ATXN7L1: variants seen among roughly 807,000 people sequenced by gnomAD.
ATXN7L1 encodes the protein ataxin-7-like protein 1.
ATXN7L1 carries 15 observed loss-of-function variants against 70.8 expected under a neutral mutation model. That is an observed-to-expected ratio of 0.21 (90% CI 0.14 to 0.33). ATXN7L1 has a LOEUF of 0.33. ATXN7L1 is among the 10% of genes least tolerant of loss of function. ATXN7L1 has a pLI of 1.00. For synonymous variants in ATXN7L1, 440 were observed against 445.1 expected (o/e 0.99, Z 0.14); for missense variants, 975 against 1,097.1 (o/e 0.89, Z 1.57).
chr7:105,724,573 C>CAAAAAA (rs573733959), intron 3 of ATXN7L1, among the ~76,000 whole-genome samples: 13 of 80,458 alleles, frequency 1.6e-4, no homozygotes, highest in African/African-American at 4.9e-4. Flanking sequence ...GACTCTGTCT[C>CAAAAAA]AAAAAAAAAA....
chr7:105,737,954 C>T (rs1465846526), intron 3 of ATXN7L1, among the ~76,000 whole-genome samples: 1 of 151,992 alleles, frequency 6.6e-6, no homozygotes, highest in Non-Finnish European at 1.5e-5. Context: ...GTGACCTGGC[C>T]CAAGGTTACT....
intron 3 of ATXN7L1, among the ~76,000 whole-genome samples, chr7:105,691,066 C>A (rs1790741540): frequency 6.6e-6 from 1 of 152,194 alleles, no homozygotes; most frequent in East Asian, 1.9e-4. Flanking sequence ...AGTAACTTCC[C>A]TGTGTCTGTT....
At chr7:105,817,144 T>C (rs1317840325) in intron 2 of ATXN7L1, among the ~76,000 whole-genome samples, 1 of 152,204 alleles carries the variant, frequency 6.6e-6, no homozygotes, top group East Asian at 1.9e-4. Flanking sequence ...CTCTGATGTG[T>C]TTAGAGTCCC....
chr7:105,730,499 G>A lies in ATXN7L1; in HGVS notation c.355+58105C>T, dbSNP rs579154. 6.6e-3 allele frequency among the ~76,000 whole-genome samples: 999 copies of A among 152,292 alleles called. 23 individuals are homozygous for A. The highest frequency in any genetic ancestry group is 0.023 in the African/African-American group (942 of 41,568). ...TGTAATCCCAGCACTTTGGGAGGCCGAGGCAAGTGGATCACATGGTCAGGA... is the reference window on the plus strand; with the variant it reads ...TGTAATCCCAGCACTTTGGGAGGCCAAGGCAAGTGGATCACATGGTCAGGA... On this transcript the variant is annotated intron_variant, in intron 3 of 11. Transcript: ENST00000419735.
chr7:105,765,880 C>G (rs1801181751), intron 3 of ATXN7L1, among the ~76,000 whole-genome samples: 1 of 152,106 alleles, frequency 6.6e-6, no homozygotes, highest in Admixed American at 6.5e-5. Flanking sequence ...TATGGACTCA[C>G]TGTAATACTA....
intron 3 of ATXN7L1, among the ~76,000 whole-genome samples, chr7:105,700,091 A>G (rs1379476498): frequency 6.6e-6 from 1 of 152,164 alleles, no homozygotes; most frequent in Admixed American, 6.5e-5. Context: ...GCTTCACTCA[A>G]TGGCAGAGCT....
intron 3 of ATXN7L1, among the ~76,000 whole-genome samples, chr7:105,714,945 G>A (rs1228656162): frequency 1.3e-5 from 2 of 152,068 alleles, no homozygotes; most frequent in African/African-American, 4.8e-5. Flanking sequence ...CTTGCTGTGG[G>A]GCACCAGTAA....
chr7:105,638,284 T>C, intron 7 of ATXN7L1, 69 bp downstream of exon 7: 1 of 1,476,924 alleles, frequency 6.8e-7, no homozygotes, highest in Non-Finnish European at 9.1e-7. Context: ...TCAGACCACA[T>C]GCCACAGACC....
rs1797711301 is a variant in ATXN7L1, at chr7:105,738,968, A to C, written c.355+49636T>G. 2.6e-5 allele frequency among the ~76,000 whole-genome samples: 4 copies of C among 152,194 alleles called. No individual in the cohort carries two copies. The South Asian group carries it at 8.3e-4, about 31-fold the overall frequency. ...GAGGTGGGGAGGGCAAGGGGGAAAAATTTGCAACCAAGGTCCATCCCTTCT... is the reference window on the plus strand; with the variant it reads ...GAGGTGGGGAGGGCAAGGGGGAAAACTTTGCAACCAAGGTCCATCCCTTCT... On this transcript the variant is annotated intron_variant, in intron 3 of 11. Transcript: ENST00000419735.
At chr7:105,684,059 G>A (rs755245582) in intron 3 of ATXN7L1, among the ~76,000 whole-genome samples, 2 of 152,156 alleles carry the variant, frequency 1.3e-5, no homozygotes, top group Admixed American at 6.6e-5. Flanking sequence ...CATCTGGGGC[G>A]GTGCATCAGG....
rs966497726 is a variant in ATXN7L1 at position 105,819,927 on chromosome 7, C to T, written c.251-31219G>A. 111 of 505,746 alleles carry T rather than the reference C, an allele frequency of 2.2e-4. 1 individual carries two copies. The highest frequency in any genetic ancestry group is 1.7e-3 in the South Asian group (110 of 66,522). The allele number at this position is 505,746 out of a possible 1,614,324, so 31.3% of individuals were successfully genotyped here. On this transcript the variant is annotated intron_variant, in intron 2 of 11. Transcript: ENST00000419735. ...TGGGGCGCCTGGCTCACGAGGTTTG[C>T]TGTAAGTACCTGGCAGTGGCATCTA...
chr7:105,873,745 C>T (rs542591373), intron 2 of ATXN7L1, among the ~76,000 whole-genome samples: 3 of 152,264 alleles, frequency 2.0e-5, no homozygotes, highest in African/African-American at 4.8e-5. Context: ...GCTAAATCTT[C>T]GTACCTTTAT....
chr7:105,813,164 A>G (rs1302435676), intron 2 of ATXN7L1, among the ~76,000 whole-genome samples: 1 of 152,230 alleles, frequency 6.6e-6, no homozygotes, highest in Non-Finnish European at 1.5e-5. Flanking sequence ...ATTTCATGAC[A>G]GACTTTTGCC....
chr7:105,609,605 C>T (rs1276404178), intron 11 of ATXN7L1, among the ~76,000 whole-genome samples: 1 of 152,096 alleles, frequency 6.6e-6, no homozygotes, highest in East Asian at 1.9e-4. Flanking sequence ...GCTGGGACTA[C>T]AGGCATCTGC....
intron 3 of ATXN7L1, among the ~76,000 whole-genome samples, chr7:105,709,063 T>C (rs1385209443): frequency 6.8e-6 from 1 of 146,498 alleles, no homozygotes; most frequent in Non-Finnish European, 1.5e-5. Flanking sequence ...GCCGGGCGTA[T>C]TGGCTCATAC....
At chr7:105,855,899 G>C (rs1157880722) in intron 2 of ATXN7L1, among the ~76,000 whole-genome samples, 1 of 152,142 alleles carries the variant, frequency 6.6e-6, no homozygotes, top group African/African-American at 2.4e-5. Flanking sequence ...TAAGTTATAT[G>C]TAAATACTAC....
chr7:105,805,549 T>C (rs529137755), intron 2 of ATXN7L1, among the ~76,000 whole-genome samples: 2 of 152,316 alleles, frequency 1.3e-5, no homozygotes, highest in South Asian at 4.2e-4. Flanking sequence ...AATGCGATGA[T>C]TTATGCCCTC....
In ATXN7L1 at chr7:105,811,328, G is replaced by A. The variant is rs79010654; in HGVS notation, c.251-22620C>T. ...AAAGCCAAGGATGGCTAGCCACACCGGAAGCATGCAACAGATTCTGCCCTG... is the reference window on the plus strand; with the variant it reads ...AAAGCCAAGGATGGCTAGCCACACCAGAAGCATGCAACAGATTCTGCCCTG... On this transcript the variant is annotated intron_variant, in intron 2 of 11. Transcript: ENST00000419735. 4.4e-3 allele frequency among the ~76,000 whole-genome samples: 666 copies of A among 152,276 alleles called. 3 individuals carry two copies. Among genetic ancestry groups the A allele is most frequent in the African/African-American group, 0.015 (635 of 41,572 alleles).
rs185309194 is a variant in ATXN7L1, at chr7:105,706,519, G to C, written c.356-41231C>G. Among the ~76,000 whole-genome samples the C allele has an allele frequency of 1.3e-3, 201 of 152,114 alleles. 1 individual carries two copies. The highest frequency in any genetic ancestry group is 4.7e-3 in the African/African-American group (195 of 41,474). On this transcript the variant is annotated intron_variant, in intron 3 of 11. Coordinates refer to ENST00000419735, the MANE Select transcript of ATXN7L1 (RefSeq NM_020725.2). ...CAGACCATTTAATTCTGAGTGTTCT[G>C]CTCCTTTGCCTGTTACAGCAAAAAA...
Sources: gnomAD v4.1 joint callset for allele counts (sites outside exome capture counted in the v4.1 genomes callset) on GRCh38, gnomAD v4.1.1 for gene constraint, MANE v1.5 for transcripts, NCBI Gene and HGNC (gene_info 2026-07-23, HGNC 2026-07-21) for gene names.